Variants in RNF216 observed in about 807,000 individuals in gnomAD.
RNF216 encodes E3 ubiquitin-protein ligase RNF216.
A neutral mutation model predicts 110.8 loss-of-function variants in RNF216; 72 were observed. The observed-to-expected ratio is 0.65, with a 90% CI of 0.54 to 0.79. RNF216 has a LOEUF of 0.79. Among genes scored for constraint, RNF216 ranks in the 30% least tolerant of loss-of-function variants. The pLI is 0.00. For missense variants in RNF216, 1,342 were observed against 1,141.2 expected, an observed-to-expected ratio of 1.18 and a Z score of -2.54; for synonymous variants, 495 against 407.5, an observed-to-expected ratio of 1.21 and a Z score of -2.59.
In RNF216 at chr7:5,730,793, G is replaced by C. The variant is rs377707695; in HGVS notation, c.1146C>G (p.Asn382Lys). Residue 382 changes from asparagine (N) to lysine (K), a missense_variant, in exon 6 of 17, where the codon AAC (asparagine) becomes AAG (lysine). Transcript: ENST00000389902. ...LNVLCNFLLE[N>K]PDYPKREDRI... ...TGTCTTCTCTCTTTGGATAATCTGG[G>C]TTTTCCAGAAGAAAATTACAAAGTC... 3.1e-6 allele frequency: 5 copies of C among 1,602,084 alleles called. No individual in the cohort carries two copies. The highest frequency in any genetic ancestry group is 4.3e-6 in the Non-Finnish European group (5 of 1,173,176).
intron 11 of RNF216, among the ~76,000 whole-genome samples, chr7:5,714,162 C>T (rs1792894860): frequency 6.6e-6 from 1 of 152,178 alleles, no homozygotes; most frequent in Non-Finnish European, 1.5e-5. Flanking sequence ...GGGGTTTCAC[C>T]ATGTTGGCCA....
At chr7:5,716,887 C>A (rs1025247119) in intron 9 of RNF216, 121 bp from the exon 10 acceptor site, 2 of 706,186 alleles carry the variant, frequency 2.8e-6, no homozygotes, top group African/African-American at 3.6e-5. Flanking sequence ...CACAGTTTAG[C>A]AGTTCAAAAA....
At chr7:5,779,982 C>T (rs1562488937) in intron 1 of RNF216, 2 of 152,092 alleles carry the variant, frequency 1.3e-5, no homozygotes, top group Non-Finnish European at 2.9e-5. Context: ...CAAAGGTACC[C>T]ACCGAAACAT....
chr7:5,761,685 C>G (rs1166233382), intron 1 of RNF216, among the ~76,000 whole-genome samples: 14 of 151,914 alleles, frequency 9.2e-5, no homozygotes, highest in Non-Finnish European at 1.5e-4. Flanking sequence ...ACTCTGGACA[C>G]TGAGGCAGGA....
chr7:5,755,648 C>G (rs10951961), intron 2 of RNF216, among the ~76,000 whole-genome samples: 149,124 of 152,356 alleles, frequency 0.98, 72,992 homozygotes, highest in Middle Eastern at 0.99. Context: ...ATAATTCTTT[C>G]TTGTATATAA....
At chr7:5,660,968 TGAAACAGCA>T (rs1789098123) in intron 13 of RNF216, among the ~76,000 whole-genome samples, 1 of 127,688 alleles carries the variant, frequency 7.8e-6, no homozygotes, top group African/African-American at 3.3e-5. Flanking sequence ...TTTTTTTTTT[TGAAACAGCA>T]TCTCGCTTTG....
intron 13 of RNF216, among the ~76,000 whole-genome samples, chr7:5,673,287 C>T (rs1320610447): frequency 6.6e-6 from 1 of 152,206 alleles, no homozygotes; most frequent in Non-Finnish European, 1.5e-5. Flanking sequence ...TGCCTGCTTA[C>T]GGTAATTAGC....
At chr7:5,648,741 A>G (rs1315929505) in intron 14 of RNF216, among the ~76,000 whole-genome samples, 2 of 151,218 alleles carry the variant, frequency 1.3e-5, no homozygotes, top group Non-Finnish European at 2.9e-5. Flanking sequence ...AAAAAAAAAA[A>G]GAAAAGAAAA....
At chr7:5,689,951 CAGAAA>C (rs1184288319) in intron 13 of RNF216, among the ~76,000 whole-genome samples, 1 of 146,394 alleles carries the variant, frequency 6.8e-6, no homozygotes, top group Non-Finnish European at 1.5e-5. Context: ...AAAAAAAGAA[CAGAAA>C]AGAGAAGAGA....
intron 15 of RNF216, among the ~76,000 whole-genome samples, chr7:5,629,259 T>C (rs1489311884): frequency 1.3e-5 from 2 of 150,952 alleles, no homozygotes; most frequent in Admixed American, 6.6e-5. Context: ...GCAGGATCGC[T>C]TGAGGCCAGG....
intron 13 of RNF216, among the ~76,000 whole-genome samples, chr7:5,654,068 C>T (rs1788575683): frequency 6.6e-6 from 1 of 152,104 alleles, no homozygotes; most frequent in Non-Finnish European, 1.5e-5. Flanking sequence ...AAAAATCATT[C>T]TGGGTGGAAA....
chr7:5,779,309 A>C (rs1027693710), intron 1 of RNF216, among the ~76,000 whole-genome samples: 1 of 152,052 alleles, frequency 6.6e-6, no homozygotes, highest in East Asian at 1.9e-4. Context: ...CTGCTGCTCT[A>C]ATCAGGGTAA....
At chr7:5,775,887 T>C (rs1174529656) in intron 1 of RNF216, among the ~76,000 whole-genome samples, 1 of 148,928 alleles carries the variant, frequency 6.7e-6, no homozygotes, top group Non-Finnish European at 1.5e-5. Context: ...AAAGAAAAAG[T>C]GGGCAAAGCA....
intron 13 of RNF216, among the ~76,000 whole-genome samples, chr7:5,654,449 G>C (rs1788602604): frequency 1.3e-5 from 2 of 151,994 alleles, no homozygotes; most frequent in South Asian, 4.1e-4. Context: ...CACTTTGGGA[G>C]GCCAAGGCAG....
Position 5,623,009 on chromosome 7 carries a change from T to G in RNF216, c.2623A>C (p.Asn875His). 6.2e-7 allele frequency: 1 copy of G among 1,613,964 alleles called. No homozygotes were observed. ...ATAGGCCCCATGTTGAGTGGGAAGT[T>G]GTTGAACACAGGCCGCACGGGAGGC... ...PLPPVRPVFN[N>H]FPLNMGPIPA... is the part of the protein sequence containing the mutation. The change falls in exon 17 of 17, where the codon AAC becomes CAC. Residue 875 changes from asparagine (N) to histidine (H), a missense_variant. Transcript: ENST00000389902.
chr7:5,734,608 C>CTTTCCTCACTGT (rs201100224), intron 5 of RNF216, among the ~76,000 whole-genome samples: 96 of 136,630 alleles, frequency 7.0e-4, no homozygotes, highest in African/African-American at 2.3e-3. Context: ...AAATGGCTTT[C>CTTTCCTCACTGT]AAGGTTAAAT....
intron 13 of RNF216, among the ~76,000 whole-genome samples, chr7:5,661,240 C>T (rs908775742): frequency 8.5e-5 from 13 of 152,162 alleles, no homozygotes; most frequent in Non-Finnish European, 1.6e-4. Flanking sequence ...GCGCCCAGCC[C>T]CTGCAGGCTG....
rs190041417 is a variant in RNF216, at chr7:5,739,935, G to A, written c.1045-583C>T. Among the ~76,000 whole-genome samples, 490 of 151,362 alleles carry A rather than the reference G, an allele frequency of 3.2e-3. 1 individual carries two copies. Among genetic ancestry groups the A allele is most frequent in the African/African-American group, 0.011 (449 of 41,248 alleles). The stretch of plus-strand genomic sequence containing the variant: ...GAAGAATCGCTTGAACCCAGGAGGC[G>A]GAGGTTGCAGTGAGCTGAGATCGCA... On this transcript the variant is annotated intron_variant, in intron 4 of 16. Coordinates refer to ENST00000389902, the MANE Select transcript of RNF216 (RefSeq NM_207111.4).
intron 1 of RNF216, among the ~76,000 whole-genome samples, chr7:5,774,039 T>C (rs1373854581): frequency 6.6e-6 from 1 of 152,226 alleles, no homozygotes; most frequent in African/African-American, 2.4e-5. Flanking sequence ...GGCACACCAG[T>C]GGCCCCAACC....
Sources: gnomAD v4.1 joint callset for allele counts (sites outside exome capture counted in the v4.1 genomes callset) on GRCh38, gnomAD v4.1.1 for gene constraint, MANE v1.5 for transcripts, NCBI Gene and HGNC (gene_info 2026-07-23, HGNC 2026-07-21) for gene names.